Variants in SLC7A14 observed in about 807,000 individuals in gnomAD.
SLC7A14 encodes solute carrier family 7 member 14, also known as gamma-aminobutyric acid transporter SLC7A14.
A neutral mutation model predicts 60.2 loss-of-function variants in SLC7A14; 37 were observed. The ratio of observed to expected loss-of-function variants is 0.61; its 90% confidence interval spans 0.47 to 0.81. The LOEUF (loss-of-function observed/expected upper bound fraction) is 0.81, where lower values mean the gene tolerates loss of function less well. Ranked by LOEUF, SLC7A14 falls within the 30% of genes least tolerant of loss-of-function variation. The probability of loss-of-function intolerance (pLI) is 0.00; values close to 1 mark genes in which losing one functional copy is unlikely to be tolerated. For synonymous variants in SLC7A14, 399 were observed against 395.8 expected (o/e 1.01, Z -0.10); for missense variants, 886 against 982.7 (o/e 0.90, Z 1.32).
chr3:170,509,997 G>C (rs1712916740), intron 2 of SLC7A14, among the ~76,000 whole-genome samples: 1 of 149,556 alleles, frequency 6.7e-6, no homozygotes, highest in Admixed American at 6.7e-5. Context: ...AGAATCACTT[G>C]AACCCTGGAG....
At chr3:170,512,716 T>C (rs1039200792) in intron 2 of SLC7A14, among the ~76,000 whole-genome samples, 2 of 124,908 alleles carry the variant, frequency 1.6e-5, no homozygotes, top group Admixed American at 1.0e-4. Context: ...CAGGCTGGAG[T>C]GCAGTGGAAC....
At chr3:170,536,252 C>T (rs1004476342) in intron 1 of SLC7A14, among the ~76,000 whole-genome samples, 5 of 152,052 alleles carry the variant, frequency 3.3e-5, no homozygotes, top group African/African-American at 1.2e-4. Context: ...AAAATGTGAC[C>T]AATGCCCCAA....
chr3:170,498,756 C>G lies in SLC7A14; in HGVS notation c.670G>C (p.Val224Leu). ...CCTGCGATCATGATGAACACCCATA[C>G]TGCCAGGTTCAGCACATTGAGAACA... ...NNVLNVLNLA[V>L]WVFIMIAGLF... Residue 224 changes from valine to leucine, a missense_variant, in exon 4 of 8, where the codon GTA becomes CTA. Physicochemically the swap from Val to Leu is conservative, Grantham distance 32. Coordinates refer to ENST00000231706, the MANE Select transcript of SLC7A14 (RefSeq NM_020949.3). 1 of 1,614,226 alleles carries G rather than the reference C, an allele frequency of 6.2e-7. No individual in the cohort carries two copies. Among genetic ancestry groups the G allele is most frequent in the Middle Eastern group, 1.6e-4 (1 of 6,062 alleles).
chr3:170,582,644 G>A (rs1715267510), intron 1 of SLC7A14, among the ~76,000 whole-genome samples: 1 of 152,144 alleles, frequency 6.6e-6, no homozygotes, highest in African/African-American at 2.4e-5. Flanking sequence ...GAGAAGGTTT[G>A]AAGCAGAATG....
intron 2 of SLC7A14, among the ~76,000 whole-genome samples, chr3:170,515,459 C>T (rs924735778): frequency 3.3e-5 from 5 of 152,070 alleles, no homozygotes; most frequent in African/African-American, 1.2e-4. Flanking sequence ...CATATCTTGG[C>T]ACACCTCTAA....
At chr3:170,536,898 C>A (rs940160001) in intron 1 of SLC7A14, among the ~76,000 whole-genome samples, 4 of 152,188 alleles carry the variant, frequency 2.6e-5, no homozygotes, top group African/African-American at 9.7e-5. Flanking sequence ...TCCAGCCTGG[C>A]ACCTTCATGC....
chr3:170,476,041 G>A (rs867056545), intron 7 of SLC7A14, among the ~76,000 whole-genome samples: 1 of 152,132 alleles, frequency 6.6e-6, no homozygotes, highest in Non-Finnish European at 1.5e-5. Context: ...CTAGTTCCCC[G>A]ATGACATTGA....
chr3:170,473,209 G>A (rs957047809), intron 7 of SLC7A14, among the ~76,000 whole-genome samples: 19 of 152,172 alleles, frequency 1.2e-4, no homozygotes, highest in African/African-American at 4.3e-4. Context: ...TCCATCCTGT[G>A]AAAATTAAGC....
At chr3:170,500,274 C>G (rs143167236) in intron 3 of SLC7A14, among the ~76,000 whole-genome samples, 1 of 151,882 alleles carries the variant, frequency 6.6e-6, no homozygotes, top group African/African-American at 2.4e-5. Context: ...AACCCCATCT[C>G]TACTGAAAAT....
chr3:170,562,213 C>T (rs181957827), intron 1 of SLC7A14, among the ~76,000 whole-genome samples: 8 of 152,204 alleles, frequency 5.3e-5, no homozygotes, highest in East Asian at 1.9e-4. Context: ...CAGCACAGTT[C>T]GCCAATTGCA....
At chr3:170,499,017 A>C in intron 3 of SLC7A14, 133 bp from the exon 4 acceptor site, 1 of 741,970 alleles carries the variant, frequency 1.3e-6, no homozygotes, top group Non-Finnish European at 2.2e-6. Flanking sequence ...CAGGCAGATC[A>C]CGAGGTCAGG....
chr3:170,561,884 T>G (rs1206334984), intron 1 of SLC7A14, among the ~76,000 whole-genome samples: 1 of 151,964 alleles, frequency 6.6e-6, no homozygotes, highest in Non-Finnish European at 1.5e-5. Context: ...AACAAACGTA[T>G]GAAAAAATGC....
chr3:170,524,213 A>G (rs1194826244), intron 2 of SLC7A14, among the ~76,000 whole-genome samples: 1 of 152,222 alleles, frequency 6.6e-6, no homozygotes, highest in East Asian at 1.9e-4. Context: ...ACAAACACAT[A>G]GGCCCTCCAT....
In SLC7A14 at chr3:170,585,744, C is replaced by T. The variant is rs975547837; in HGVS notation, c.-153+167G>A. Among the ~76,000 whole-genome samples, 1 of 152,096 alleles carries T rather than the reference C, an allele frequency of 6.6e-6. No individual in the cohort carries two copies. Among genetic ancestry groups the T allele is most frequent in the Non-Finnish European group, 1.5e-5 (1 of 68,000 alleles). ...TCGGTTCTTCCAGGGAACCCCTTCT[C>T]GGAGGGCGCCCTGGGCCTCCGCGCC... On this transcript the variant is annotated intron_variant, in intron 1 of 7. Coordinates refer to ENST00000231706, the MANE Select transcript of SLC7A14 (RefSeq NM_020949.3). The surrounding 1 kb of genome is among the most constrained non-coding windows in gnomAD (Gnocchi z 5.1).
rs766127625 is a variant in SLC7A14 at position 170,480,516 on chromosome 3, T to C, written c.1766A>G (p.Tyr589Cys). The C allele has an allele frequency of 4.3e-6, 7 of 1,614,044 alleles. No individual in the cohort carries two copies. The highest frequency in any genetic ancestry group is 5.9e-6 in the Non-Finnish European group (7 of 1,180,042). The change falls in exon 7 of 8, where the codon TAC becomes TGC. Residue 589 changes from tyrosine to cysteine, a missense_variant. Tyr to Cys is a radical substitution (Grantham distance 194). Transcript: ENST00000231706. ...GGCCCACCAGCTCTGCTCTGAGATGTAGTCAGAACCAAAGATGATGAAGGA... is the reference window on the plus strand; with the variant it reads ...GGCCCACCAGCTCTGCTCTGAGATGCAGTCAGAACCAAAGATGATGAAGGA... ...FCSFIIFGSD[Y>C]ISEQSWWAIL...
chr3:170,529,950 T>C (rs1713623287), intron 1 of SLC7A14, among the ~76,000 whole-genome samples: 1 of 152,192 alleles, frequency 6.6e-6, no homozygotes, highest in African/African-American at 2.4e-5. Flanking sequence ...TTCTTCCTCA[T>C]AGCTCTAAGA....
In SLC7A14 at chr3:170,532,728, A is replaced by G. The variant is rs1281071593; in HGVS notation, c.-152-5640T>C. On this transcript the variant is annotated intron_variant, in intron 1 of 7. Transcript: ENST00000231706. The surrounding 1 kb of genome is among the most constrained non-coding windows in gnomAD (Gnocchi z 4.0). ...TACTGACACCCTTCCCACCACCTTC[A>G]CCTCCTTAGGCAGCTCTCAGAGGGC... Among the ~76,000 whole-genome samples the G allele has an allele frequency of 1.4e-5, 2 of 145,980 alleles. No individual in the cohort carries two copies. Among genetic ancestry groups the G allele is most frequent in the African/African-American group, 5.1e-5 (2 of 39,432 alleles).
At chr3:170,473,211 A>G (rs1711509508) in intron 7 of SLC7A14, among the ~76,000 whole-genome samples, 1 of 152,206 alleles carries the variant, frequency 6.6e-6, no homozygotes, top group South Asian at 2.1e-4. Flanking sequence ...CATCCTGTGA[A>G]AATTAAGCAA....
intron 1 of SLC7A14, among the ~76,000 whole-genome samples, chr3:170,583,316 C>A (rs967660739): frequency 1.3e-5 from 2 of 152,118 alleles, no homozygotes; most frequent in African/African-American, 4.8e-5. Flanking sequence ...TTAGACAACA[C>A]TGGAATAGTA....
Sources: gnomAD v4.1 joint callset for allele counts (sites outside exome capture counted in the v4.1 genomes callset) on GRCh38, gnomAD v4.1.1 for gene constraint, Gnocchi (gnomAD v3.1) non-coding constraint, MANE v1.5 for transcripts, NCBI Gene and HGNC (gene_info 2026-07-23, HGNC 2026-07-21) for gene names.